The following LOXL2 variants were observed in gnomAD, a reference collection of about 807,000 sequenced individuals.
LOXL2 encodes lysyl oxidase homolog 2.
In LOXL2, 70 loss-of-function variants were observed where a neutral mutation model predicts 93.0. The observed-to-expected ratio is 0.75, with a 90% CI of 0.62 to 0.92. LOXL2 has a LOEUF of 0.92. Ranked by LOEUF, LOXL2 falls within the 40% of genes least tolerant of loss-of-function variation. The pLI, the probability that LOXL2 is intolerant of heterozygous loss-of-function variation, is 0.00. For missense variants in LOXL2, 973 were observed against 1,054.9 expected, an observed-to-expected ratio of 0.92 and a Z score of 1.08; for synonymous variants, 438 against 413.2, an observed-to-expected ratio of 1.06 and a Z score of -0.73.
chr8:23,396,359 C>CGA (rs750296594), intron 1 of LOXL2, among the ~76,000 whole-genome samples: 42 of 150,876 alleles, frequency 2.8e-4, no homozygotes, highest in Non-Finnish European at 5.6e-4. Flanking sequence ...AACAAAAAAA[C>CGA]GAGAGAGAGA....
chr8:23,369,353 A>AGAC (rs1414491981), intron 1 of LOXL2, among the ~76,000 whole-genome samples: 3 of 152,164 alleles, frequency 2.0e-5, no homozygotes, highest in Non-Finnish European at 4.4e-5. Context: ...AGAAAAGAGG[A>AGAC]GACGATTTTA....
At chr8:23,353,316 A>G (rs963079441) in intron 3 of LOXL2, among the ~76,000 whole-genome samples, 1 of 152,222 alleles carries the variant, frequency 6.6e-6, no homozygotes, top group African/African-American at 2.4e-5. Context: ...GCCAGGTTTA[A>G]AAGAGATCTG....
intron 10 of LOXL2, among the ~76,000 whole-genome samples, chr8:23,305,524 G>A (rs556813690): frequency 2.0e-5 from 2 of 101,768 alleles, no homozygotes; most frequent in South Asian, 3.3e-4. Flanking sequence ...CCGCCCACCA[G>A]CACTACCCAC....
Position 23,402,025 on chromosome 8 carries a change from C to T in LOXL2, c.-84+1929G>A, listed in dbSNP as rs570102125. ...ACAAACACACATATACATATACACA[C>T]GTGCACACATGCGTGCACACACATA... On this transcript the variant is annotated intron_variant, in intron 1 of 13. Coordinates refer to ENST00000389131, the MANE Select transcript of LOXL2 (RefSeq NM_002318.3). Among the ~76,000 whole-genome samples, 23 of 152,356 alleles carry T rather than the reference C, an allele frequency of 1.5e-4. No homozygotes were observed. The East Asian group carries it at 3.9e-3, about 26-fold the overall frequency.
chr8:23,329,512 G>A (rs1803639065), intron 5 of LOXL2, among the ~76,000 whole-genome samples: 1 of 150,968 alleles, frequency 6.6e-6, no homozygotes, highest in Non-Finnish European at 1.5e-5. Context: ...CACATACCCA[G>A]GTTTGCATCT....
chr8:23,367,603 C>T (rs978143861), intron 2 of LOXL2, among the ~76,000 whole-genome samples: 8 of 152,056 alleles, frequency 5.3e-5, no homozygotes, highest in South Asian at 2.1e-4. Flanking sequence ...TGGAGTAAAG[C>T]GCAACTTCCT....
intron 1 of LOXL2, among the ~76,000 whole-genome samples, chr8:23,371,695 T>C (rs1804498037): frequency 7.5e-6 from 1 of 132,648 alleles, no homozygotes; most frequent in Non-Finnish European, 1.5e-5. Context: ...GAGGTTGCAG[T>C]GAGCCGAGGT....
At chr8:23,328,015 G>A (rs1322673113) in intron 6 of LOXL2, among the ~76,000 whole-genome samples, 1 of 149,652 alleles carries the variant, frequency 6.7e-6, no homozygotes, top group Non-Finnish European at 1.5e-5. Context: ...TGGTGAACTC[G>A]GAGGCCCTCT....
intron 1 of LOXL2, among the ~76,000 whole-genome samples, chr8:23,396,919 A>G (rs1800096262): frequency 1.3e-5 from 2 of 152,250 alleles, no homozygotes; most frequent in Non-Finnish European, 2.9e-5. Context: ...TGTTCACAGC[A>G]GCATTATTCC....
At chr8:23,350,143 C>T (rs571503298) in intron 3 of LOXL2, among the ~76,000 whole-genome samples, 6 of 152,166 alleles carry the variant, frequency 3.9e-5, no homozygotes, top group South Asian at 4.2e-4. Context: ...AATTAAAAGC[C>T]GTCTGATCCT....
intron 1 of LOXL2, among the ~76,000 whole-genome samples, chr8:23,375,875 C>A (rs1804579242): frequency 1.3e-5 from 2 of 152,308 alleles, no homozygotes; most frequent in East Asian, 3.9e-4. Flanking sequence ...AAAATCATGT[C>A]ACCTGCAAAC....
At chr8:23,311,552 G>C (rs78423644) in intron 9 of LOXL2, among the ~76,000 whole-genome samples, 4 of 152,210 alleles carry the variant, frequency 2.6e-5, no homozygotes, top group African/African-American at 9.6e-5. Context: ...CGCAAGGCGA[G>C]GGATCGTTAA....
At chr8:23,342,019 G>C (rs1201998644) in intron 3 of LOXL2, among the ~76,000 whole-genome samples, 2 of 152,120 alleles carry the variant, frequency 1.3e-5, no homozygotes, top group African/African-American at 4.8e-5. Context: ...ACAGAGGCTG[G>C]GGTCAGGGTT....
chr8:23,397,240 T>C lies in LOXL2; in HGVS notation c.-84+6714A>G, dbSNP rs2034810594. On this transcript the variant is annotated intron_variant, in intron 1 of 13. Coordinates refer to ENST00000389131, the MANE Select transcript of LOXL2 (RefSeq NM_002318.3). ...AGTTAGTGTTCAATGGGTACAGAGT[T>C]TCTGTTTTGGAAGATGCAAAAGTAC... Among the ~76,000 whole-genome samples, 2 of 152,158 alleles carry C rather than the reference T, an allele frequency of 1.3e-5. 1 individual carries two copies. Among genetic ancestry groups the C allele is most frequent in the South Asian group, 4.1e-4 (2 of 4,822 alleles).
At position 23,319,958 on chromosome 8, in the gene LOXL2, T is replaced by C; in HGVS notation, c.1397A>G (p.Gln466Arg). Residue 466 changes from glutamine (Q) to arginine (R), a missense_variant, in exon 8 of 14, where the codon CAA (glutamine) becomes CGA (arginine). Gln to Arg is a conservative substitution (Grantham distance 43, BLOSUM62 1). Coordinates refer to ENST00000389131, the MANE Select transcript of LOXL2 (RefSeq NM_002318.3). ...CATGGCCTCCACGATGCCCCAGTTT[T>C]GGCCACACACCATCCCCCACACAAG... ...GSLVWGMVCG[Q>R]NWGIVEAMVV... 6.2e-7 allele frequency: 1 copy of C among 1,614,062 alleles called. No individual in the cohort carries two copies. Among genetic ancestry groups the C allele is most frequent in the Non-Finnish European group, 8.5e-7 (1 of 1,179,952 alleles).
chr8:23,348,880 A>AC (rs1310883079), intron 3 of LOXL2, among the ~76,000 whole-genome samples: 2 of 151,430 alleles, frequency 1.3e-5, no homozygotes, highest in African/African-American at 4.9e-5. Flanking sequence ...CCGTCTCAAA[A>AC]AAAACAAAAC....
At chr8:23,332,412 C>T (rs1407475389) in intron 5 of LOXL2, among the ~76,000 whole-genome samples, 2 of 128,644 alleles carry the variant, frequency 1.6e-5, no homozygotes, top group African/African-American at 5.8e-5. Context: ...ATACACACAC[C>T]GCCACACACC....
chr8:23,384,585 A>G (rs1321084919), intron 1 of LOXL2, among the ~76,000 whole-genome samples: 1 of 152,274 alleles, frequency 6.6e-6, no homozygotes, highest in East Asian at 1.9e-4. Context: ...ATTTCCAAAT[A>G]GATGTCTCAG....
At chr8:23,329,803 G>A (rs1407189165) in intron 5 of LOXL2, among the ~76,000 whole-genome samples, 2 of 152,174 alleles carry the variant, frequency 1.3e-5, no homozygotes. Context: ...GGGTGGAGAT[G>A]ACCTTTTCAA....
Sources: allele counts gnomAD v4.1 joint callset (sites outside exome capture counted in the v4.1 genomes callset), GRCh38; gene constraint gnomAD v4.1.1; transcripts MANE v1.5; gene names NCBI Gene and HGNC (gene_info 2026-07-23, HGNC 2026-07-21).